Variants in BEND2 observed in about 807,000 individuals in gnomAD.
BEND2 encodes BEN domain-containing protein 2.
In BEND2, 19 loss-of-function variants were observed where a neutral mutation model predicts 43.8. The observed-to-expected ratio is 0.43, with a 90% confidence interval of 0.30 to 0.64. The LOEUF (loss-of-function observed/expected upper bound fraction) is 0.64. Ranked by LOEUF, BEND2 falls within the 30% of genes least tolerant of loss-of-function variation. The pLI is 0.11. For missense variants in BEND2, 544 were observed against 574.0 expected (o/e 0.95, Z 0.53); for synonymous variants, 226 against 210.1 (o/e 1.08, Z -0.66).
chrX:18,185,728 GA>G (rs1206585488), intron 8 of BEND2, among the ~76,000 whole-genome samples: 2 of 109,814 alleles, frequency 1.8e-5, no homozygotes, highest in African/African-American at 6.6e-5. Flanking sequence ...AGCAGTAAGA[GA>G]AAAGAAACAA....
intron 9 of BEND2, among the ~76,000 whole-genome samples, chrX:18,180,261 G>A (rs925837997): frequency 8.9e-6 from 1 of 112,560 alleles, no homozygotes; most frequent in African/African-American, 3.2e-5. Flanking sequence ...GTGACCTTGG[G>A]GATGGGGATA....
chrX:18,205,450 C>T (rs895033584), intron 4 of BEND2, among the ~76,000 whole-genome samples: 1 of 106,715 alleles, frequency 9.4e-6, no homozygotes, highest in Non-Finnish European at 1.9e-5. Context: ...AAAAAAAATA[C>T]AAAAATGTAG....
chrX:18,170,442 A>G (rs998443220), intron 13 of BEND2, among the ~76,000 whole-genome samples: 5 of 112,356 alleles, frequency 4.5e-5, no homozygotes, highest in Non-Finnish European at 9.4e-5. Context: ...AATGTATGAT[A>G]TGAAGGTAGG....
intron 1 of BEND2, among the ~76,000 whole-genome samples, chrX:18,218,953 A>G (rs1336419130): frequency 8.9e-6 from 1 of 112,731 alleles, no homozygotes; most frequent in Non-Finnish European, 1.9e-5. Flanking sequence ...TCAACTCATC[A>G]GATGAGGCAC....
intron 8 of BEND2, among the ~76,000 whole-genome samples, chrX:18,183,385 A>G (rs1924461465): frequency 1.8e-5 from 2 of 112,623 alleles, no homozygotes; most frequent in African/African-American, 6.5e-5. Context: ...CCACACGTCA[A>G]AAAGAAGTCT....
chrX:18,203,289 A>C (rs1020864324), intron 5 of BEND2, among the ~76,000 whole-genome samples: 3 of 111,652 alleles, frequency 2.7e-5, no homozygotes, highest in Admixed American at 1.9e-4. Flanking sequence ...CACACAAATG[A>C]ATACAAACTA....
At chrX:18,197,260 C>A (rs1280513042) in intron 6 of BEND2, among the ~76,000 whole-genome samples, 2 of 110,628 alleles carry the variant, frequency 1.8e-5, no homozygotes, top group African/African-American at 6.6e-5. Flanking sequence ...CATGGTGAAA[C>A]CCCGTCCCTA....
At chrX:18,180,391 T>C in intron 9 of BEND2, 119 bp downstream of exon 9, 1 of 1,027,945 alleles carries the variant, frequency 9.7e-7, no homozygotes, top group Non-Finnish European at 1.3e-6. Context: ...TGGTTCTGAA[T>C]ATCACCTAAA....
chrX:18,166,611 G>T (rs1923829313), intron 13 of BEND2, among the ~76,000 whole-genome samples: 1 of 111,467 alleles, frequency 9.0e-6, no homozygotes, highest in African/African-American at 3.3e-5. Flanking sequence ...ATGGGTAAAG[G>T]CATTCAGTTT....
intron 11 of BEND2, 145 bp from the exon 12 acceptor site, chrX:18,174,403 G>A: frequency 2.0e-6 from 1 of 498,157 alleles, no homozygotes; most frequent in Non-Finnish European, 3.3e-6. Context: ...AATACTGTGT[G>A]TCGCAATACT....
intron 4 of BEND2, among the ~76,000 whole-genome samples, chrX:18,211,022 C>T (rs1925485828): frequency 9.0e-6 from 1 of 110,657 alleles, no homozygotes; most frequent in Non-Finnish European, 1.9e-5. Flanking sequence ...ACCATCTTAC[C>T]CTTGTATAGT....
chrX:18,180,366 A>G (rs1337200913), intron 9 of BEND2, 144 bp downstream of exon 9: 2 of 915,294 alleles, frequency 2.2e-6, no homozygotes, highest in African/African-American at 4.0e-5. Context: ...ATATGCACTC[A>G]ATAAATGTTA....
At chrX:18,204,917 A>G (rs1257893692) in intron 4 of BEND2, among the ~76,000 whole-genome samples, 1 of 112,125 alleles carries the variant, frequency 8.9e-6, no homozygotes, top group African/African-American at 3.2e-5. Context: ...ATGTTCATAT[A>G]TGTACAAATA....
chrX:18,203,069 A>G (rs985474593), intron 5 of BEND2, among the ~76,000 whole-genome samples: 8 of 111,770 alleles, frequency 7.2e-5, no homozygotes, highest in African/African-American at 2.6e-4. Context: ...TATTGAAGTG[A>G]CAAAATTATA....
intron 6 of BEND2, among the ~76,000 whole-genome samples, chrX:18,201,396 CAAAAA>C (rs1227049211): frequency 9.7e-5 from 2 of 20,626 alleles, no homozygotes; most frequent in South Asian, 6.8e-3. Flanking sequence ...AACTCCATCT[CAAAAA>C]AAAAAAAAAA....
At chrX:18,170,862 G>A in intron 13 of BEND2, 139 bp downstream of exon 13, 1 of 1,051,872 alleles carries the variant, frequency 9.5e-7, no homozygotes, top group Non-Finnish European at 1.3e-6. Context: ...GCTCCTTGCT[G>A]TACTCTAATG....
intron 11 of BEND2, among the ~76,000 whole-genome samples, chrX:18,175,352 T>C (rs1924110940): frequency 8.9e-6 from 1 of 111,863 alleles, no homozygotes; most frequent in Admixed American, 9.5e-5. Flanking sequence ...TTAAGATACA[T>C]GTTTCATCAG....
At chrX:18,203,986 G>T in intron 4 of BEND2, 71 bp from the exon 5 acceptor site, 1 of 995,774 alleles carries the variant, frequency 1.0e-6, no homozygotes, top group South Asian at 3.1e-5. Context: ...TTCTCCATGA[G>T]ACATACAATC....
Position 18,195,392 on chromosome X carries a change from C to T in BEND2, c.1084G>A (p.Glu362Lys), listed in dbSNP as rs1189498794. 4 of 1,207,486 alleles carry T rather than the reference C, an allele frequency of 3.3e-6. No homozygotes were observed. Among genetic ancestry groups the T allele is most frequent in the Middle Eastern group, 4.6e-4 (2 of 4,370 alleles). The part of the protein sequence containing the change: ...EMPGTTETNV[E>K]NNSQTVYYPA... The stretch of plus-strand genomic sequence containing the variant: ...TAATACACTGTCTGAGAGTTATTTT[C>T]CACGTTGGTTTCTGTTGTTCCTGGC... Residue 362 changes from glutamate (E) to lysine (K), a missense_variant, in exon 7 of 14, where the codon GAA becomes AAA. This residue lies in a region of BEND2 where 501 missense variants were observed against 501.6 expected (regional missense o/e 1.00). Transcript: ENST00000380033.
Sources: allele counts gnomAD v4.1 joint callset (sites outside exome capture counted in the v4.1 genomes callset), GRCh38; gene constraint gnomAD v4.1.1; regional missense constraint gnomAD v4.1.1; transcripts MANE v1.5; gene names NCBI Gene and HGNC (gene_info 2026-07-23, HGNC 2026-07-21).